RAD23B: variants seen among roughly 807,000 people sequenced by gnomAD.
RAD23B encodes the protein RAD23 nucleotide excision repair protein B, also known as lysine-specific demethylase RAD23B.
Under a neutral mutation model 49.1 loss-of-function variants are expected in RAD23B, and 5 were observed. The ratio of observed to expected loss-of-function variants is 0.10; its 90% CI spans 0.05 to 0.21. The LOEUF (loss-of-function observed/expected upper bound fraction) is 0.21. Among genes scored for constraint, RAD23B ranks in the 10% least tolerant of loss-of-function variants. The pLI, the probability that RAD23B is intolerant of heterozygous loss-of-function variation, is 1.00. For missense variants in RAD23B, 356 were observed against 486.7 expected (o/e 0.73, Z 2.53); for synonymous variants, 184 against 165.4 (o/e 1.11, Z -0.86).
intron 5 of RAD23B, among the ~76,000 whole-genome samples, chr9:107,317,446 T>C (rs147511638): frequency 6.6e-6 from 1 of 151,972 alleles, no homozygotes; most frequent in Non-Finnish European, 1.5e-5. Context: ...TTGCAATTAG[T>C]TGAGGAATGA....
intron 8 of RAD23B, among the ~76,000 whole-genome samples, chr9:107,324,398 C>CA (rs762342403): frequency 6.6e-6 from 1 of 151,610 alleles, no homozygotes; most frequent in Non-Finnish European, 1.5e-5. Context: ...GCAACAGGAA[C>CA]AACTTACTCT....
chr9:107,295,414 G>T (rs764106228), intron 1 of RAD23B, among the ~76,000 whole-genome samples: 1 of 152,150 alleles, frequency 6.6e-6, no homozygotes, highest in Non-Finnish European at 1.5e-5. Flanking sequence ...ACTTGGAGGC[G>T]AACCAGAGGA....
intron 1 of RAD23B, among the ~76,000 whole-genome samples, chr9:107,285,659 G>A (rs1833261704): frequency 6.6e-6 from 1 of 152,186 alleles, no homozygotes; most frequent in African/African-American, 2.4e-5. Context: ...TTATACGTCT[G>A]GAAGTATATT....
At position 107,300,200 on chromosome 9, in the gene RAD23B, A is replaced by G. The variant is rs1337150896; in HGVS notation, c.126A>G (p.Ala42=). The change falls in exon 2 of 10, where the codon GCA becomes GCG. Residue 42 remains alanine (A), a synonymous_variant. Transcript: ENST00000358015. ...SEKGKDAFPV[A]GQKLIYAGKI... ...AGGGGAAAGATGCCTTTCCAGTAGC[A>G]GGTCAAAAATTAATTTATGCAGGTA... The G allele has an allele frequency of 6.2e-7, 1 of 1,609,010 alleles. No homozygotes were observed. Among genetic ancestry groups the G allele is most frequent in the East Asian group, 2.2e-5 (1 of 44,624 alleles).
chr9:107,310,458 A>G (rs1826868861), intron 4 of RAD23B, among the ~76,000 whole-genome samples: 1 of 152,242 alleles, frequency 6.6e-6, no homozygotes, highest in Non-Finnish European at 1.5e-5. Flanking sequence ...AATACTGTGC[A>G]CATTTGGGAA....
chr9:107,284,965 A>C, intron 1 of RAD23B: 1 of 1,300,940 alleles, frequency 7.7e-7, no homozygotes, highest in South Asian at 1.2e-5. Context: ...TAAACAATGG[A>C]TTCCTTTGAG....
intron 1 of RAD23B, among the ~76,000 whole-genome samples, chr9:107,299,878 C>T (rs1826611734): frequency 6.6e-6 from 1 of 152,016 alleles, no homozygotes. Context: ...ATGTTGAAAA[C>T]TTTATTTTAA....
chr9:107,297,930 T>C (rs1341220693), intron 1 of RAD23B, among the ~76,000 whole-genome samples: 3 of 152,362 alleles, frequency 2.0e-5, no homozygotes, highest in Non-Finnish European at 2.9e-5. Flanking sequence ...TCTTTTTTTC[T>C]TCACATATGT....
At chr9:107,322,449 C>T (rs909246840) in intron 7 of RAD23B, among the ~76,000 whole-genome samples, 2 of 152,258 alleles carry the variant, frequency 1.3e-5, no homozygotes, top group South Asian at 4.1e-4. Context: ...GTCTCTTACT[C>T]TCTCCATAAA....
At chr9:107,292,685 A>G (rs2133066495) in intron 1 of RAD23B, among the ~76,000 whole-genome samples, 1 of 151,388 alleles carries the variant, frequency 6.6e-6, no homozygotes, top group African/African-American at 2.4e-5. Context: ...TCAAAAAAAA[A>G]AAAAAAAAAA....
At position 107,311,560 on chromosome 9, in the gene RAD23B, G is replaced by A. The variant is rs1013467651; in HGVS notation, c.498-122G>A. Reference sequence around the variant, plus strand: ...TAGAAGAGACAGTTTAAATACTGTAGTCAGACTTTTATATTTAATTAAAAT... The same window carrying A: ...TAGAAGAGACAGTTTAAATACTGTAATCAGACTTTTATATTTAATTAAAAT... On this transcript the variant is annotated intron_variant, in intron 4 of 9. Transcript: ENST00000358015. 1.3e-5 allele frequency: 9 copies of A among 684,644 alleles called. No individual in the cohort carries two copies. The African/African-American group carries it at 1.7e-4, about 13-fold the overall frequency. 42.4% of individuals were successfully genotyped at this position (684,644 alleles called of 1,614,324 possible). A position where few individuals can be genotyped will look rare whatever the true frequency, so the allele number is the denominator to read the frequency against.
At chr9:107,289,246 A>G (rs113603300) in intron 1 of RAD23B, among the ~76,000 whole-genome samples, 2,161 of 151,452 alleles carry the variant, frequency 0.014, 39 homozygotes, top group African/African-American at 0.049. Flanking sequence ...GTACAGTGGC[A>G]TGATCATAGC....
At chr9:107,285,582 C>T (rs1833259946) in intron 1 of RAD23B, among the ~76,000 whole-genome samples, 2 of 152,134 alleles carry the variant, frequency 1.3e-5, no homozygotes, top group Admixed American at 6.5e-5. Flanking sequence ...AATGCTGTAC[C>T]TGTGTTTGTG....
intron 2 of RAD23B, among the ~76,000 whole-genome samples, chr9:107,301,507 A>G (rs10978789): frequency 0.067 from 10,163 of 152,188 alleles, 407 homozygotes; most frequent in African/African-American, 0.1. Flanking sequence ...ACACTATATA[A>G]GTTTGACATC....
intron 4 of RAD23B, among the ~76,000 whole-genome samples, chr9:107,309,804 G>T (rs941394856): frequency 1.3e-5 from 2 of 151,744 alleles, no homozygotes; most frequent in Non-Finnish European, 2.9e-5. Context: ...GGTGGCGGGC[G>T]CCTGTAGTCC....
At chr9:107,307,972 C>T (rs907714658) in intron 4 of RAD23B, among the ~76,000 whole-genome samples, 1 of 152,142 alleles carries the variant, frequency 6.6e-6, no homozygotes, top group Admixed American at 6.5e-5. Flanking sequence ...TAAGCTGTTA[C>T]ATCAAAGGGC....
intron 1 of RAD23B, chr9:107,284,564 A>G: frequency 4.8e-6 from 1 of 209,284 alleles, no homozygotes; most frequent in Non-Finnish European, 8.6e-6. Flanking sequence ...AGTCCACATT[A>G]TACATTTTTC....
chr9:107,302,169 G>T, intron 3 of RAD23B, 55 bp downstream of exon 3: 2 of 1,605,276 alleles, frequency 1.2e-6, no homozygotes, highest in Admixed American at 1.7e-5. Flanking sequence ...TTTTAAAAAT[G>T]ATGATCACAA....
At chr9:107,290,397 T>C (rs1833357905) in intron 1 of RAD23B, among the ~76,000 whole-genome samples, 1 of 152,290 alleles carries the variant, frequency 6.6e-6, no homozygotes. Context: ...AATGATACAC[T>C]CCCTTGTGTC....
Sources: allele counts gnomAD v4.1 joint callset (sites outside exome capture counted in the v4.1 genomes callset), GRCh38; gene constraint gnomAD v4.1.1; transcripts MANE v1.5; gene names NCBI Gene and HGNC (gene_info 2026-07-23, HGNC 2026-07-21).